The following ANK2 variants were observed in gnomAD, a reference collection of about 807,000 sequenced individuals.
ANK2 encodes ankyrin 2, also known as ankyrin-2.
A neutral mutation model predicts 360.5 loss-of-function variants in ANK2; 83 were observed. The observed-to-expected ratio is 0.23, with a 90% confidence interval of 0.19 to 0.28. The LOEUF (loss-of-function observed/expected upper bound fraction) is 0.28. ANK2 is among the 10% of genes least tolerant of loss of function. The pLI, the probability that ANK2 is intolerant of heterozygous loss-of-function variation, is 1.00. For synonymous variants in ANK2, 1,740 were observed against 1,759.5 expected, an observed-to-expected ratio of 0.99 and a Z score of 0.28; for missense variants, 4,201 against 4,795.7, an observed-to-expected ratio of 0.88 and a Z score of 3.66.
chr4:112,741,688 G>A, the ANK2 span, among the ~76,000 whole-genome samples: 1 of 152,146 alleles, frequency 6.6e-6, no homozygotes, highest in African/African-American at 2.4e-5. Context: ...CTTTAAAATT[G>A]GCTTTGGGTT....
At chr4:112,953,561 T>C (rs573170266) in intron 2 of ANK2, among the ~76,000 whole-genome samples, 2 of 152,362 alleles carry the variant, frequency 1.3e-5, no homozygotes, top group South Asian at 4.1e-4. Context: ...GAGGATTACA[T>C]ACGTTTGGTT....
chr4:113,373,776 T>C (rs2096828950), intron 45 of ANK2: 1 of 470,894 alleles, frequency 2.1e-6, no homozygotes, highest in Non-Finnish European at 4.1e-6. Context: ...GCAAGCAGTA[T>C]GCTGTGGAGA....
chr4:113,298,629 A>G (rs932490916), intron 22 of ANK2, among the ~76,000 whole-genome samples: 2 of 152,198 alleles, frequency 1.3e-5, no homozygotes, highest in Non-Finnish European at 2.9e-5. Context: ...TCTTCCATCT[A>G]TTATATACCA....
intron 2 of ANK2, among the ~76,000 whole-genome samples, chr4:112,935,040 G>T (rs1224825652): frequency 3.9e-5 from 6 of 151,932 alleles, no homozygotes. Context: ...ACGTATTTTG[G>T]TTGTTCCAGG....
rs1025751550 is a variant in ANK2, at chr4:112,904,648, T to C, written c.21+134T>C. The C allele has an allele frequency of 6.4e-6, 4 of 623,824 alleles. No individual in the cohort carries two copies. In the African/African-American group the frequency reaches 7.8e-5, roughly 12 times the overall value. The allele number at this position is 623,824 out of a possible 1,614,324, so 38.6% of individuals were successfully genotyped here. On this transcript the variant is annotated intron_variant, in intron 2 of 30. Coordinates refer to the ANK2 transcript ENST00000503271. ...TTTAAAGATGTTATAGCATTAACAATTTTTTAATTATAAGAAATGTAATAT... is the reference window on the plus strand; with the variant it reads ...TTTAAAGATGTTATAGCATTAACAACTTTTTAATTATAAGAAATGTAATAT...
chr4:113,050,491 G>A (rs915534004), intron 1 of ANK2, among the ~76,000 whole-genome samples: 7 of 152,062 alleles, frequency 4.6e-5, no homozygotes, highest in African/African-American at 1.7e-4. Flanking sequence ...CCACACCCTC[G>A]ATTTTCATGG....
intron 26 of ANK2, among the ~76,000 whole-genome samples, chr4:113,329,172 G>A (rs988406400): frequency 6.6e-6 from 1 of 152,188 alleles, no homozygotes; most frequent in Non-Finnish European, 1.5e-5. Flanking sequence ...TTAGATTGCT[G>A]TGTTGTTTAA....
At chr4:112,841,778 G>A (rs965232006) in intron 1 of ANK2, among the ~76,000 whole-genome samples, 13 of 152,212 alleles carry the variant, frequency 8.5e-5, no homozygotes, top group African/African-American at 2.9e-4. Flanking sequence ...AGCTGTGTCC[G>A]CACTTGTAGC....
chr4:113,038,561 C>T lies in ANK2; in HGVS notation c.21+134047C>T, dbSNP rs79124848. On this transcript the variant is annotated intron_variant, in intron 2 of 30. Coordinates refer to the ANK2 transcript ENST00000503271. Reference sequence around the variant, plus strand: ...CTAGTACATTTCCCAAGATGGCTCCCCTTCCATATGCTCTTCAGCAATGTG... The same window carrying T: ...CTAGTACATTTCCCAAGATGGCTCCTCTTCCATATGCTCTTCAGCAATGTG... Among the ~76,000 whole-genome samples the T allele has an allele frequency of 8.3e-3, 1,267 of 151,950 alleles. 18 individuals are homozygous for T. The highest frequency in any genetic ancestry group is 0.029 in the African/African-American group (1,189 of 41,478).
intron 2 of ANK2, among the ~76,000 whole-genome samples, chr4:113,021,744 C>T (rs1018819649): frequency 4.0e-5 from 6 of 151,498 alleles, no homozygotes; most frequent in African/African-American, 1.2e-4. Context: ...TTAGTTAATT[C>T]GTGTTACATA....
intron 1 of ANK2, among the ~76,000 whole-genome samples, chr4:112,837,236 G>A (rs1253751774): frequency 1.3e-5 from 2 of 152,250 alleles, no homozygotes; most frequent in Non-Finnish European, 2.9e-5. Flanking sequence ...GAGGGTGTAA[G>A]CCCCAAACCT....
intron 14 of ANK2, among the ~76,000 whole-genome samples, chr4:113,270,048 A>G (rs556598844): frequency 2.0e-5 from 3 of 152,296 alleles, no homozygotes; most frequent in Non-Finnish European, 2.9e-5. Flanking sequence ...TTCCCCTGCC[A>G]TAACATTTTT....
intron 5 of ANK2, 22 bp downstream of exon 5, chr4:113,232,281 C>G (rs1186773769): frequency 1.3e-6 from 2 of 1,510,894 alleles, no homozygotes; most frequent in African/African-American, 2.8e-5. Context: ...AGCCCTAAAG[C>G]CTTGAATTCT....
At chr4:113,248,065 A>T (rs2044007301) in intron 9 of ANK2, among the ~76,000 whole-genome samples, 1 of 152,206 alleles carries the variant, frequency 6.6e-6, no homozygotes, top group South Asian at 2.1e-4. Flanking sequence ...CTGAGAAGGC[A>T]ATCTTTTCAT....
chr4:113,348,405 G>A lies in ANK2; in HGVS notation c.4404+97G>A, dbSNP rs868322054. 58 of 1,352,750 alleles carry A rather than the reference G, an allele frequency of 4.3e-5. 1 individual carries two copies. The Middle Eastern group carries it at 1.1e-3, about 25-fold the overall frequency. 83.8% of individuals were successfully genotyped at this position (1,352,750 alleles called of 1,614,324 possible). A position where few individuals can be genotyped will look rare whatever the true frequency, so the allele number is the denominator to read the frequency against. On this transcript the variant is annotated intron_variant, in intron 36 of 45. Transcript: ENST00000357077. ...ACCTGTGTTCTTAGACGGGGTAGGCGGTTCTTCTTAGTAATTAAAGGGGCA... is the reference window on the plus strand; with the variant it reads ...ACCTGTGTTCTTAGACGGGGTAGGCAGTTCTTCTTAGTAATTAAAGGGGCA...
At chr4:113,221,203 G>A (rs913120556) in intron 4 of ANK2, among the ~76,000 whole-genome samples, 1 of 152,180 alleles carries the variant, frequency 6.6e-6, no homozygotes, top group Non-Finnish European at 1.5e-5. Flanking sequence ...TAACAACAAC[G>A]TGAGGAGGTA....
At chr4:113,151,271 A>AC in intron 1 of ANK2, 3 of 566,732 alleles carry the variant, frequency 5.3e-6, no homozygotes, top group African/African-American at 2.0e-5. Flanking sequence ...GTGTAGCTAC[A>AC]AAAGAATACC....
chr4:112,763,016 A>C, the ANK2 span, among the ~76,000 whole-genome samples: 1 of 152,226 alleles, frequency 6.6e-6, no homozygotes, highest in Non-Finnish European at 1.5e-5. Context: ...ATTGTAAATG[A>C]TGGGAAGAAA....
chr4:112,958,105 T>C (rs2031827737), intron 2 of ANK2, among the ~76,000 whole-genome samples: 1 of 141,902 alleles, frequency 7.0e-6, no homozygotes, highest in East Asian at 2.1e-4. Context: ...CTCCTCACTT[T>C]CCAGACTGGG....
Sources: allele counts gnomAD v4.1 joint callset (sites outside exome capture counted in the v4.1 genomes callset), GRCh38; gene constraint gnomAD v4.1.1; transcripts MANE v1.5; gene names NCBI Gene and HGNC (gene_info 2026-07-23, HGNC 2026-07-21).